Variants in LMAN1 observed in about 807,000 individuals in gnomAD.
LMAN1 encodes the protein lectin, mannose binding 1.
A neutral mutation model predicts 67.8 loss-of-function variants in LMAN1; 32 were observed. The observed-to-expected ratio is 0.47, with a 90% CI of 0.36 to 0.63. The LOEUF (loss-of-function observed/expected upper bound fraction) is 0.63. LMAN1 is among the 30% of genes least tolerant of loss of function. LMAN1 has a pLI of 0.00. For missense variants in LMAN1, 632 were observed against 628.2 expected, an observed-to-expected ratio of 1.01 and a Z score of -0.06; for synonymous variants, 235 against 219.3, an observed-to-expected ratio of 1.07 and a Z score of -0.63.
intron 7 of LMAN1, among the ~76,000 whole-genome samples, 158 bp from the exon 8 acceptor site, chr18:59,346,209 CTTTTTTTT>C (rs370183077): frequency 4.7e-4 from 29 of 61,608 alleles, no homozygotes; most frequent in African/African-American, 1.6e-3. Flanking sequence ...GCAAATTACT[CTTTTTTTT>C]TTTTTTTTTT....
intron 5 of LMAN1, among the ~76,000 whole-genome samples, chr18:59,352,070 G>C (rs1908555167): frequency 6.6e-6 from 1 of 152,090 alleles, no homozygotes; most frequent in South Asian, 2.1e-4. Context: ...TATATAACCA[G>C]GTATTAATGG....
Position 59,331,455 on chromosome 18 carries a change from C to A in LMAN1, c.1459G>T (p.Val487Leu), listed in dbSNP as rs1239796857. Reference protein sequence around the residue: ...STVHFIIFVVVQTVLFIGYIM... With the variant: ...STVHFIIFVVLQTVLFIGYIM... ...TAACCAATGAATAATACAGTTTGCA[C>A]CACAACAAATATAATGAAGTGGACC... is the stretch of plus-strand genomic sequence containing the variant. Residue 487 changes from valine to leucine, a missense_variant, in exon 12 of 13, where the codon GTG becomes TTG. Transcript: ENST00000251047. 4 of 1,610,448 alleles carry A rather than the reference C, an allele frequency of 2.5e-6. No individual in the cohort carries two copies. In the Admixed American group the frequency reaches 6.7e-5, roughly 27 times the overall value.
chr18:59,346,076 A>T (rs760243958), intron 7 of LMAN1, 25 bp from the exon 8 acceptor site: 1 of 1,567,550 alleles, frequency 6.4e-7, no homozygotes, highest in Non-Finnish European at 8.7e-7. Context: ...TTTGGAATAG[A>T]TCATTAAAAA....
Position 59,328,948 on chromosome 18 carries a change from TG to T in LMAN1, c.*2144del, listed in dbSNP as rs1431270083. The T allele has an allele frequency of 6.6e-6, 1 of 152,216 alleles. No individual in the cohort carries two copies. Among genetic ancestry groups the T allele is most frequent in the Non-Finnish European group, 1.5e-5 (1 of 68,042 alleles). The allele number at this position is 152,216 out of a possible 1,614,324, so 9.4% of individuals were successfully genotyped here. A position where few individuals can be genotyped will look rare whatever the true frequency, so the allele number is the denominator to read the frequency against. On this transcript the variant is annotated 3_prime_UTR_variant, in exon 13 of 13. Transcript: ENST00000251047. ...TACATAAAAATTTTAAAATCAATTTTGTTTTAATCCAAGGCACCTGTAAAAC... is the reference window on the plus strand; with the variant it reads ...TACATAAAAATTTTAAAATCAATTTTTTTTAATCCAAGGCACCTGTAAAAC...
intron 10 of LMAN1, among the ~76,000 whole-genome samples, chr18:59,335,231 C>T (rs62094056): frequency 0.14 from 20,704 of 151,936 alleles, 1,588 homozygotes; most frequent in Non-Finnish European, 0.18. Flanking sequence ...GTCAGGAGTT[C>T]GAGACCAGCC....
At chr18:59,334,908 GT>G (rs1908107191) in intron 10 of LMAN1, among the ~76,000 whole-genome samples, 1 of 152,090 alleles carries the variant, frequency 6.6e-6, no homozygotes. Context: ...CTTGAGCTCA[GT>G]TTTTATATTA....
intron 3 of LMAN1, 118 bp downstream of exon 3, chr18:59,355,195 G>T (rs1259701092): frequency 6.5e-6 from 5 of 773,530 alleles, no homozygotes; most frequent in African/African-American, 1.7e-5. Context: ...TTACCATATA[G>T]CTTGGGGAGT....
At position 59,338,750 on chromosome 18, in the gene LMAN1, G is replaced by A; in HGVS notation, c.1149+10C>T. On this transcript the variant is annotated intron_variant, in intron 9 of 12. Transcript: ENST00000251047. ...TAAATGGGGCACATCTGCATATTCT[G>A]CAAGCCCACCTGCCCATGCTGCCCA... The A allele has an allele frequency of 6.2e-7, 1 of 1,613,928 alleles. No individual in the cohort carries two copies. Among genetic ancestry groups the A allele is most frequent in the Non-Finnish European group, 8.5e-7 (1 of 1,179,858 alleles).
rs41502144 is a variant in LMAN1 at position 59,333,366 on chromosome 18, G to A, written c.1221-122C>T. On this transcript the variant is annotated intron_variant, in intron 10 of 12. Transcript: ENST00000251047. Reference sequence around the variant, plus strand: ...TTACATCATTTAAAAAAAAAAACAGGTAAAGTATCTTTAAAAATCGAGTTG... The same window carrying A: ...TTACATCATTTAAAAAAAAAAACAGATAAAGTATCTTTAAAAATCGAGTTG... 2.1e-4 allele frequency: 152 copies of A among 707,320 alleles called. No individual in the cohort carries two copies. In the African/African-American group the frequency reaches 2.5e-3, roughly 12 times the overall value. The allele number at this position is 707,320 out of a possible 1,614,324, so 43.8% of individuals were successfully genotyped here.
chr18:59,355,638 G>T lies in LMAN1; in HGVS notation c.235C>A (p.Gln79Lys). 1 of 1,613,832 alleles carries T rather than the reference G, an allele frequency of 6.2e-7. No individual in the cohort carries two copies. The highest frequency in any genetic ancestry group is 1.1e-5 in the South Asian group (1 of 91,060). The change falls in exon 2 of 13, where the codon CAA becomes AAA. Residue 79 changes from glutamine (Q) to lysine (K), a missense_variant. By Grantham distance (53) the Gln-to-Lys change is moderately conservative. Transcript: ENST00000251047. ...TTTAAAGATGGTGCTACTCGAATTT[G>T]ATCTGAACTTGGAATAGCATCTAGA... The part of the protein sequence containing the change: ...HAGNAIPSSD[Q>K]IRVAPSLKSQ...
intron 5 of LMAN1, chr18:59,352,815 T>G (rs1908573096): frequency 3.3e-6 from 1 of 306,772 alleles, no homozygotes; most frequent in Non-Finnish European, 6.3e-6. Flanking sequence ...AATGATACAT[T>G]TGTGTGTCCT....
chr18:59,344,241 A>G (rs547595079), intron 8 of LMAN1, among the ~76,000 whole-genome samples: 1 of 152,350 alleles, frequency 6.6e-6, no homozygotes, highest in Admixed American at 6.5e-5. Context: ...GAGAATTCTC[A>G]AAGAACTAAA....
In LMAN1 at chr18:59,333,107, A is replaced by G; in HGVS notation, c.1358T>C (p.Leu453Ser). The change falls in exon 11 of 13, where the codon TTA becomes TCA. Residue 453 changes from leucine to serine, a missense_variant. Leu to Ser is a moderately radical substitution (Grantham distance 145). Transcript: ENST00000251047. ...LHIVKRDIDN[L>S]VQRNMPSNEK... ...CAAAGTTACCATATTTCGCTGCACTAAGTTATCTATGTCCCTCTTTACTAT... is the reference window on the plus strand; with the variant it reads ...CAAAGTTACCATATTTCGCTGCACTGAGTTATCTATGTCCCTCTTTACTAT... 1 of 1,613,372 alleles carries G rather than the reference A, an allele frequency of 6.2e-7. No homozygotes were observed. Among genetic ancestry groups the G allele is most frequent in the Non-Finnish European group, 8.5e-7 (1 of 1,179,426 alleles).
rs1226099869 is a variant in LMAN1 at position 59,340,569 on chromosome 18, GCCTTTC to G, written c.956-1622_956-1617del. 7.2e-5 allele frequency among the ~76,000 whole-genome samples: 11 copies of G among 152,080 alleles called. No individual in the cohort carries two copies. The East Asian group carries it at 1.4e-3, about 19-fold the overall frequency. On this transcript the variant is annotated intron_variant, in intron 8 of 12. Transcript: ENST00000251047. ...GCTTCACAAATGAAGAAGAAATAAAGCCTTTCCCAGACAAGCAAATGCTGGGGAAAT... is the reference window on the plus strand; with the variant it reads ...GCTTCACAAATGAAGAAGAAATAAAGCCAGACAAGCAAATGCTGGGGAAAT...
intron 7 of LMAN1, among the ~76,000 whole-genome samples, 178 bp from the exon 8 acceptor site, chr18:59,346,229 T>C (rs1238632150): frequency 7.1e-6 from 1 of 140,908 alleles, no homozygotes; most frequent in East Asian, 2.0e-4. Flanking sequence ...TTTTTTTTTT[T>C]TTTTTTTAGA....
chr18:59,354,492 G>C, intron 4 of LMAN1, 27 bp downstream of exon 4: 1 of 1,277,732 alleles, frequency 7.8e-7, no homozygotes, highest in Non-Finnish European at 1.1e-6. Context: ...GCTGAAATCA[G>C]GAGTAATGTA....
At chr18:59,350,293 C>G (rs1056374837) in intron 5 of LMAN1, among the ~76,000 whole-genome samples, 2 of 152,114 alleles carry the variant, frequency 1.3e-5, no homozygotes, top group Non-Finnish European at 2.9e-5. Flanking sequence ...ACATCATTTA[C>G]AACTGGTCCT....
At chr18:59,333,032 G>C (rs557416011) in intron 11 of LMAN1, 59 bp downstream of exon 11, 1 of 1,371,254 alleles carries the variant, frequency 7.3e-7, no homozygotes, top group East Asian at 2.3e-5. Context: ...TTGCAGTAGA[G>C]TATGAGTTCT....
At position 59,331,519 on chromosome 18, in the gene LMAN1, T is replaced by G. The variant is rs762661354; in HGVS notation, c.1395A>C (p.Lys465Asn). Residue 465 changes from lysine (K) to asparagine (N), a missense_variant, in exon 12 of 13, where the codon AAA (lysine) becomes AAC (asparagine). Lys to Asn is a moderately conservative substitution (Grantham distance 94). Transcript: ENST00000251047. The stretch of plus-strand genomic sequence containing the variant: ...ATGGAAATGGTGGTAGTTCTGGGCA[T>G]TTCGGCTTTTCATTTGATGGCTGTA... ...QRNMPSNEKPKCPELPPFPSC... is the reference protein window; with the variant it reads ...QRNMPSNEKPNCPELPPFPSC... 3 of 1,613,332 alleles carry G rather than the reference T, an allele frequency of 1.9e-6. No homozygotes were observed. Among genetic ancestry groups the G allele is most frequent in the Non-Finnish European group, 2.5e-6 (3 of 1,179,408 alleles).
Sources: gnomAD v4.1 joint callset for allele counts (sites outside exome capture counted in the v4.1 genomes callset) on GRCh38, gnomAD v4.1.1 for gene constraint, MANE v1.5 for transcripts, NCBI Gene and HGNC (gene_info 2026-07-23, HGNC 2026-07-21) for gene names.